The following CTNND2 variants were observed in gnomAD, a reference collection of about 807,000 sequenced individuals.
The protein encoded by CTNND2 is catenin delta 2, also known as catenin delta-2.
A neutral mutation model predicts 144.4 loss-of-function variants in CTNND2; 22 were observed. That is an observed-to-expected ratio of 0.15 (90% CI 0.11 to 0.22). The LOEUF (loss-of-function observed/expected upper bound fraction) is 0.22, where lower values mean the gene tolerates loss of function less well. Ranked by LOEUF, CTNND2 falls within the 10% of genes least tolerant of loss-of-function variation. CTNND2 has a pLI of 1.00. For missense variants in CTNND2, 1,353 were observed against 1,618.8 expected (o/e 0.84, Z 2.82); for synonymous variants, 751 against 695.6 (o/e 1.08, Z -1.25).
Position 11,903,497 on chromosome 5 carries a change from G to C in CTNND2, c.37+320C>G, listed in dbSNP as rs1415059165. On this transcript the variant is annotated intron_variant, in intron 1 of 21. Coordinates refer to ENST00000304623, the MANE Select transcript of CTNND2 (RefSeq NM_001332.4). This position sits in a 1 kb window ranked among gnomAD's most constrained non-coding sequence, Gnocchi z 5.4. ...GCACCGAGTATGTTCTCAGGGTGGC[G>C]GGGAGCAGCATTGTCGGTGTTGCCC... The C allele has an allele frequency of 1.5e-6, 1 of 671,452 alleles. No individual in the cohort carries two copies. Among genetic ancestry groups the C allele is most frequent in the Non-Finnish European group, 2.1e-6 (1 of 486,976 alleles). 41.6% of individuals were successfully genotyped at this position (671,452 alleles called of 1,614,324 possible).
At chr5:11,158,383 G>T (rs1055393568) in intron 12 of CTNND2, among the ~76,000 whole-genome samples, 2 of 152,204 alleles carry the variant, frequency 1.3e-5, no homozygotes, top group Non-Finnish European at 2.9e-5. Context: ...GGATGCCTCA[G>T]TAGGGGGTTT....
intron 16 of CTNND2, among the ~76,000 whole-genome samples, chr5:11,061,796 C>T (rs1580173651): frequency 6.6e-6 from 1 of 152,106 alleles, no homozygotes; most frequent in East Asian, 1.9e-4. Flanking sequence ...GCAGCCTCCT[C>T]CTCCTGGATT....
chr5:11,304,342 T>A (rs1749945486), intron 9 of CTNND2, among the ~76,000 whole-genome samples: 1 of 147,314 alleles, frequency 6.8e-6, no homozygotes, highest in African/African-American at 2.6e-5. Context: ...ACACACACTC[T>A]TTCTCTCTCT....
chr5:10,979,274 T>G (rs1736915628), intron 21 of CTNND2, among the ~76,000 whole-genome samples: 1 of 152,250 alleles, frequency 6.6e-6, no homozygotes, highest in Admixed American at 6.5e-5. Flanking sequence ...TTTGTTTCTG[T>G]TTGCCTTTAT....
At chr5:11,058,522 C>T (rs1011278326) in intron 16 of CTNND2, among the ~76,000 whole-genome samples, 7 of 152,176 alleles carry the variant, frequency 4.6e-5, no homozygotes, top group African/African-American at 1.7e-4. Context: ...TGCATGGAAA[C>T]GCCTGGATGT....
chr5:11,308,864 T>C (rs1750518554), intron 9 of CTNND2, among the ~76,000 whole-genome samples: 1 of 151,874 alleles, frequency 6.6e-6, no homozygotes, highest in South Asian at 2.1e-4. Flanking sequence ...TTCCACAGAG[T>C]ATACAGAAAG....
At chr5:11,439,750 ATC>A (rs1415104251) in intron 3 of CTNND2, among the ~76,000 whole-genome samples, 1 of 79,542 alleles carries the variant, frequency 1.3e-5, no homozygotes, top group Non-Finnish European at 3.1e-5. Context: ...ATATCTATCT[ATC>A]TATCTATCTA....
intron 12 of CTNND2, among the ~76,000 whole-genome samples, chr5:11,138,275 C>T (rs915397924): frequency 1.3e-5 from 2 of 152,134 alleles, no homozygotes; most frequent in Non-Finnish European, 2.9e-5. Flanking sequence ...TAGACTGGGC[C>T]CACTGGGAAA....
chr5:11,280,877 T>C (rs1271415807), intron 9 of CTNND2, among the ~76,000 whole-genome samples: 1 of 152,096 alleles, frequency 6.6e-6, no homozygotes, highest in African/African-American at 2.4e-5. Flanking sequence ...TCCTCAGCTG[T>C]GTGTCCTTCA....
intron 3 of CTNND2, among the ~76,000 whole-genome samples, chr5:11,423,100 T>C (rs548676781): frequency 6.6e-6 from 1 of 152,380 alleles, no homozygotes; most frequent in East Asian, 1.9e-4. Flanking sequence ...TGGAATGTAG[T>C]AAGTTGAAAT....
chr5:11,109,914 G>T (rs1263214239), intron 14 of CTNND2, among the ~76,000 whole-genome samples: 2 of 152,128 alleles, frequency 1.3e-5, no homozygotes, highest in African/African-American at 2.4e-5. Flanking sequence ...TACAAAACTG[G>T]CCAGATTGTA....
intron 9 of CTNND2, among the ~76,000 whole-genome samples, chr5:11,275,946 C>A (rs899429177): frequency 2.6e-5 from 4 of 152,298 alleles, no homozygotes; most frequent in Admixed American, 6.5e-5. Context: ...TCAATACTTG[C>A]ACATGATCTA....
intron 1 of CTNND2, among the ~76,000 whole-genome samples, chr5:11,799,250 T>C (rs913931950): frequency 1.3e-5 from 2 of 152,216 alleles, no homozygotes; most frequent in African/African-American, 2.4e-5. Context: ...ACTGGTGTAG[T>C]TTCCCATTCT....
chr5:11,354,391 C>T (rs1435768798), intron 8 of CTNND2, among the ~76,000 whole-genome samples: 1 of 152,180 alleles, frequency 6.6e-6, no homozygotes, highest in African/African-American at 2.4e-5. Context: ...AGTGTTCAAA[C>T]AAAATACCTT....
chr5:11,579,684 T>C (rs1335079832), intron 2 of CTNND2, among the ~76,000 whole-genome samples: 2 of 152,180 alleles, frequency 1.3e-5, no homozygotes, highest in African/African-American at 4.8e-5. Context: ...TTAAACCGAG[T>C]TCAAGTACAT....
At chr5:11,339,792 C>G (rs1754062000) in intron 9 of CTNND2, among the ~76,000 whole-genome samples, 1 of 152,130 alleles carries the variant, frequency 6.6e-6, no homozygotes, top group Admixed American at 6.5e-5. Flanking sequence ...ACTAGACACA[C>G]AGTCTGTTGG....
At chr5:11,610,325 AC>A (rs1270846069) in intron 2 of CTNND2, among the ~76,000 whole-genome samples, 1 of 152,198 alleles carries the variant, frequency 6.6e-6, no homozygotes, top group East Asian at 1.9e-4. Flanking sequence ...AGCTTGAAAT[AC>A]CCAACATTTC....
chr5:11,744,949 G>A (rs988157054), intron 1 of CTNND2, among the ~76,000 whole-genome samples: 10 of 151,766 alleles, frequency 6.6e-5, no homozygotes, highest in Non-Finnish European at 1.0e-4. Flanking sequence ...TTGCCCAGGT[G>A]GGTCTCGAAC....
intron 6 of CTNND2, among the ~76,000 whole-genome samples, chr5:11,392,298 A>G (rs1388186569): frequency 2.0e-5 from 3 of 152,210 alleles, no homozygotes; most frequent in Non-Finnish European, 4.4e-5. Flanking sequence ...AGTATTTCAT[A>G]TGGCCATTTC....
Sources: gnomAD v4.1 joint callset for allele counts (sites outside exome capture counted in the v4.1 genomes callset) on GRCh38, gnomAD v4.1.1 for gene constraint, Gnocchi (gnomAD v3.1) non-coding constraint, MANE v1.5 for transcripts, NCBI Gene and HGNC (gene_info 2026-07-23, HGNC 2026-07-21) for gene names.